Variants in MCMBP observed in about 807,000 individuals in gnomAD.
The protein encoded by MCMBP is mini-chromosome maintenance complex-binding protein.
In MCMBP, 31 loss-of-function variants were observed where a neutral mutation model predicts 81.3. The ratio of observed to expected loss-of-function variants is 0.38; its 90% confidence interval spans 0.29 to 0.51. MCMBP has a LOEUF of 0.51. Ranked by LOEUF, MCMBP falls within the 20% of genes least tolerant of loss-of-function variation. The pLI is 0.87. For synonymous variants in MCMBP, 267 were observed against 275.9 expected, an observed-to-expected ratio of 0.97 and a Z score of 0.32; for missense variants, 645 against 772.1, an observed-to-expected ratio of 0.84 and a Z score of 1.95.
Position 119,849,512 on chromosome 10 carries a change from C to G in MCMBP, c.639G>C (p.Gly213=). The change falls in exon 7 of 16, where the codon GGG becomes GGC. Residue 213 remains glycine (G), a synonymous_variant. Coordinates refer to ENST00000369077, the MANE Select transcript of MCMBP (RefSeq NM_001256378.2). ...ACAAGTTCAGAGAGTTCAGCTGTTGCCCAGTAGAAGCTTCAGTTTCTAAAC... is the reference window on the plus strand; with the variant it reads ...ACAAGTTCAGAGAGTTCAGCTGTTGGCCAGTAGAAGCTTCAGTTTCTAAAC... ...PKRLETEAST[G]QQLNSLNLSS... 2 of 1,609,282 alleles carry G rather than the reference C, an allele frequency of 1.2e-6. No homozygotes were observed. The highest frequency in any genetic ancestry group is 1.7e-6 in the Non-Finnish European group (2 of 1,178,624).
At chr10:119,860,577 TC>T (rs1406423624) in intron 1 of MCMBP, among the ~76,000 whole-genome samples, 10 of 152,150 alleles carry the variant, frequency 6.6e-5, no homozygotes, top group African/African-American at 2.4e-4. Context: ...CCCAATACTA[TC>T]CCCTCTATAG....
At chr10:119,851,952 A>T (rs1202703145) in intron 6 of MCMBP, among the ~76,000 whole-genome samples, 1 of 152,014 alleles carries the variant, frequency 6.6e-6, no homozygotes, top group Non-Finnish European at 1.5e-5. Context: ...CGGGAGCTCA[A>T]GACCAGCCTG....
intron 9 of MCMBP, chr10:119,842,973 G>A (rs921419833): frequency 3.5e-5 from 14 of 398,240 alleles, no homozygotes; most frequent in Middle Eastern, 1.4e-3. Context: ...GGCTAGTCTC[G>A]AACTCCTGAC....
chr10:119,853,045 A>G lies in MCMBP; in HGVS notation c.574+5T>C. 1 of 1,614,010 alleles carries G rather than the reference A, an allele frequency of 6.2e-7. No homozygotes were observed. Among genetic ancestry groups the G allele is most frequent in the African/African-American group, 1.3e-5 (1 of 75,040 alleles). On this transcript the variant is annotated splice_donor_5th_base_variant and intron_variant, in intron 6 of 15. Transcript: ENST00000369077. ...GTCTAGAGAAAACCTGTTGGCACAC[A>G]CTACCTGCTTGTCTGGCACCTGCAT...
chr10:119,859,660 C>A, intron 2 of MCMBP, 139 bp downstream of exon 2: 1 of 583,286 alleles, frequency 1.7e-6, no homozygotes. Flanking sequence ...AGACCAAAAT[C>A]TTTTAATACA....
intron 12 of MCMBP, among the ~76,000 whole-genome samples, chr10:119,838,077 G>C (rs1174845967): frequency 6.6e-6 from 1 of 151,766 alleles, no homozygotes; most frequent in Non-Finnish European, 1.5e-5. Flanking sequence ...CAACACTGTA[G>C]GCCCATAAAG....
rs541516932 is a variant in MCMBP, at chr10:119,847,404, G to T, written c.827+209C>A. 1.3e-5 allele frequency among the ~76,000 whole-genome samples: 2 copies of T among 152,286 alleles called. 1 individual carries two copies. Among genetic ancestry groups the T allele is most frequent in the South Asian group, 4.1e-4 (2 of 4,830 alleles). On this transcript the variant is annotated intron_variant, in intron 8 of 15. Transcript: ENST00000369077. ...CAAGCAGTTAGGGGTAAAAGGGCTT[G>T]ATTTCTGCAACATACTTTCAAGTGT...
intron 11 of MCMBP, among the ~76,000 whole-genome samples, chr10:119,840,408 C>T (rs575076829): frequency 1.3e-5 from 2 of 152,252 alleles, no homozygotes; most frequent in South Asian, 4.1e-4. Context: ...ATACTGCATT[C>T]CAGATACCCT....
chr10:119,843,532 T>C (rs1297566666), intron 8 of MCMBP, 106 bp from the exon 9 acceptor site: 3 of 1,073,318 alleles, frequency 2.8e-6, no homozygotes, highest in Non-Finnish European at 2.7e-6. Context: ...CAAGAATATT[T>C]CCACCTGTAC....
At chr10:119,837,117 T>C in intron 12 of MCMBP, 88 bp from the exon 13 acceptor site, 3 of 1,349,352 alleles carry the variant, frequency 2.2e-6, no homozygotes, top group Non-Finnish European at 3.1e-6. Context: ...AGCCATGAAG[T>C]TTCTACCACT....
rs774580575 is a variant in MCMBP at position 119,832,112 on chromosome 10, G to T, written c.1708-12C>A. ...TCATCTTCAACTGCCTTTATCAAAA[G>T]AGTAAATGTAAATGATGTGCATTTT... On this transcript the variant is annotated splice_polypyrimidine_tract_variant and intron_variant, in intron 14 of 15. Transcript: ENST00000369077. 6.2e-7 allele frequency: 1 copy of T among 1,607,750 alleles called. No homozygotes were observed. Among genetic ancestry groups the T allele is most frequent in the Admixed American group, 1.7e-5 (1 of 58,508 alleles).
At chr10:119,857,213 T>C in intron 5 of MCMBP, 125 bp downstream of exon 5, 2 of 621,756 alleles carry the variant, frequency 3.2e-6, no homozygotes, top group East Asian at 5.8e-5. Context: ...TTTTATGGGT[T>C]TTCTCAATTA....
rs372647923 is a variant in MCMBP, at chr10:119,835,561, G to A, written c.1686C>T (p.Ser562=). 1.2e-6 allele frequency: 2 copies of A among 1,613,916 alleles called. No individual in the cohort carries two copies. Among genetic ancestry groups the A allele is most frequent in the African/African-American group, 2.7e-5 (2 of 74,928 alleles). ...YLTLLRFLEY[S]ISDEITKAVE... ...ATACCTTGGTTATTTCATCAGATAT[G>A]CTATATTCCAAGAATCTCAAAAGAG... Residue 562 remains serine (S), a synonymous_variant, in exon 14 of 16, where the codon AGC becomes AGT. Coordinates refer to ENST00000369077, the MANE Select transcript of MCMBP (RefSeq NM_001256378.2).
At chr10:119,842,730 T>C in intron 9 of MCMBP, 135 bp from the exon 10 acceptor site, 1 of 928,494 alleles carries the variant, frequency 1.1e-6, no homozygotes, top group Non-Finnish European at 1.5e-6. Flanking sequence ...CGTCAGTAAG[T>C]GATGCTAATC....
intron 12 of MCMBP, among the ~76,000 whole-genome samples, chr10:119,838,127 C>T (rs941045721): frequency 2.0e-5 from 3 of 151,620 alleles, no homozygotes; most frequent in African/African-American, 7.3e-5. Flanking sequence ...AACTTTTCAC[C>T]AAAGAACCCT....
chr10:119,841,998 G>A (rs771167728), intron 10 of MCMBP, among the ~76,000 whole-genome samples: 12 of 152,194 alleles, frequency 7.9e-5, no homozygotes, highest in Non-Finnish European at 1.6e-4. Context: ...GAGGTGAGGG[G>A]TGGATGAGTG....
Position 119,829,979 on chromosome 10 carries a change from AAGCCTTCATTTTATTTC to A in MCMBP, c.*1478_*1494del, listed in dbSNP as rs1245953639. 6.5e-6 allele frequency: 1 copy of A among 152,678 alleles called. No individual in the cohort carries two copies. The highest frequency in any genetic ancestry group is 2.4e-5 in the African/African-American group (1 of 41,462). 9.5% of individuals were successfully genotyped at this position (152,678 alleles called of 1,614,324 possible). ...GTATTTTATCCTCACAAATCCAGTGAAGCCTTCATTTTATTTCTAAAAGTTTAAGGAAGGTCTAGTCT... is the reference window on the plus strand; with the variant it reads ...GTATTTTATCCTCACAAATCCAGTGATAAAAGTTTAAGGAAGGTCTAGTCT... On this transcript the variant is annotated 3_prime_UTR_variant, in exon 16 of 16. Coordinates refer to ENST00000369077, the MANE Select transcript of MCMBP (RefSeq NM_001256378.2).
At chr10:119,865,851 G>A (rs988644731) in intron 1 of MCMBP, among the ~76,000 whole-genome samples, 1 of 152,100 alleles carries the variant, frequency 6.6e-6, no homozygotes, top group Admixed American at 6.5e-5. Context: ...CGAGGCGGGA[G>A]GGTCACTTGA....
At chr10:119,836,394 T>A (rs1852243207) in intron 13 of MCMBP, among the ~76,000 whole-genome samples, 1 of 152,184 alleles carries the variant, frequency 6.6e-6, no homozygotes. Flanking sequence ...TACACACCAT[T>A]TGACAACTGG....
Sources: gnomAD v4.1 joint callset for allele counts (sites outside exome capture counted in the v4.1 genomes callset) on GRCh38, gnomAD v4.1.1 for gene constraint, MANE v1.5 for transcripts, NCBI Gene and HGNC (gene_info 2026-07-23, HGNC 2026-07-21) for gene names.